CTC1: variants seen among roughly 807,000 people sequenced by gnomAD.
CTC1 encodes CST telomere replication complex component 1, also known as CST complex subunit CTC1.
In CTC1, 91 loss-of-function variants were observed where a neutral mutation model predicts 136.3. The observed-to-expected ratio is 0.67, with a 90% CI of 0.56 to 0.79. The LOEUF is 0.79. Among genes scored for constraint, CTC1 ranks in the 30% least tolerant of loss-of-function variants. The pLI is 0.00. For synonymous variants in CTC1, 606 were observed against 613.8 expected, an observed-to-expected ratio of 0.99 and a Z score of 0.19; for missense variants, 1,432 against 1,498.1, an observed-to-expected ratio of 0.96 and a Z score of 0.73.
At position 8,234,808 on chromosome 17, in the gene CTC1, G is replaced by C. The variant is rs371714831; in HGVS notation, c.1558C>G (p.Pro520Ala). ...TLDLLAPPGS[P>A]VRNAHNEILE... ...ATCTCATTGTGTGCATTCCGAACAG[G>C]GCTGCCTGGCGGAGCTAGAAGATCC... The change falls in exon 9 of 23, where the codon CCT becomes GCT. Residue 520 changes from proline (P) to alanine (A), a missense_variant. By Grantham distance (27) the Pro-to-Ala change is conservative. Coordinates refer to ENST00000651323, the MANE Select transcript of CTC1 (RefSeq NM_025099.6). 12 of 1,612,756 alleles carry C rather than the reference G, an allele frequency of 7.4e-6. No homozygotes were observed. In the Admixed American group the frequency reaches 1.2e-4, roughly 16 times the overall value.
intron 10 of CTC1, among the ~76,000 whole-genome samples, chr17:8,233,957 G>T (rs1325504979): frequency 1.3e-5 from 2 of 152,120 alleles, no homozygotes; most frequent in Admixed American, 6.5e-5. Flanking sequence ...ATTTAAACAA[G>T]AGAGTTCTGT....
intron 11 of CTC1, chr17:8,232,700 G>T: frequency 1.4e-6 from 1 of 720,216 alleles, no homozygotes; most frequent in Non-Finnish European, 2.4e-6. Flanking sequence ...TAGGAGCTAC[G>T]GTGGAGAAAT....
rs1211522381 is a variant in CTC1 at position 8,235,123 on chromosome 17, C to A, written c.1369G>T (p.Val457Leu). ...AYGASLYEQL[V>L]WERQLGLPLY... ...GGAAGTCCTAACTGACGTTCCCACA[C>A]CAGCTGCTCGTACAGGGAGGCCCCG... The change falls in exon 8 of 23, where the codon GTG becomes TTG. Residue 457 changes from valine (V) to leucine (L), a missense_variant. By Grantham distance (32) the Val-to-Leu change is conservative (BLOSUM62 1). Transcript: ENST00000651323. The A allele has an allele frequency of 2.5e-6, 4 of 1,614,084 alleles. No homozygotes were observed. The highest frequency in any genetic ancestry group is 1.3e-5 in the African/African-American group (1 of 74,936).
chr17:8,240,483 G>C (rs1988124580), intron 2 of CTC1, among the ~76,000 whole-genome samples: 2 of 147,290 alleles, frequency 1.4e-5, no homozygotes, highest in African/African-American at 5.4e-5. Context: ...AAGTGTTATG[G>C]ACGTGGACAA....
chr17:8,246,448 A>G (rs932967496), intron 1 of CTC1, among the ~76,000 whole-genome samples: 4 of 152,166 alleles, frequency 2.6e-5, no homozygotes, highest in South Asian at 2.1e-4. Flanking sequence ...CACATGCCCA[A>G]CACTGAACTT....
At chr17:8,242,883 C>G in intron 2 of CTC1, 102 bp downstream of exon 2, 1 of 1,043,526 alleles carries the variant, frequency 9.6e-7, no homozygotes, top group Non-Finnish European at 1.4e-6. Flanking sequence ...GTCCTCCGCT[C>G]ACTCTCTCAC....
At position 8,232,447 on chromosome 17, in the gene CTC1, C is replaced by A. The variant is rs779228652; in HGVS notation, c.1974G>T (p.Gln658His). The A allele has an allele frequency of 2.4e-5, 39 of 1,614,024 alleles. 1 individual carries two copies. The highest frequency in any genetic ancestry group is 3.1e-5 in the Non-Finnish European group (37 of 1,180,024). ...IGCLVRAERF[Q>H]LIVERDVRSS... The stretch of plus-strand genomic sequence containing the variant: ...TTCTCACGTCCCTCTCTACGATCAA[C>A]TGAAACCTCTCTGCCCGCACCAGGC... Residue 658 changes from glutamine to histidine, a missense_variant, in exon 12 of 23, where the codon CAG becomes CAT. Gln to His is a conservative substitution (Grantham distance 24). Coordinates refer to ENST00000651323, the MANE Select transcript of CTC1 (RefSeq NM_025099.6).
At chr17:8,236,763 A>G (rs1376319295) in intron 5 of CTC1, among the ~76,000 whole-genome samples, 1 of 152,204 alleles carries the variant, frequency 6.6e-6, no homozygotes, top group African/African-American at 2.4e-5. Flanking sequence ...CAAAATACAT[A>G]TATTTTTAAA....
intron 14 of CTC1, 87 bp downstream of exon 14, chr17:8,231,639 A>C (rs1987235739): frequency 3.0e-5 from 40 of 1,340,650 alleles, no homozygotes; most frequent in Non-Finnish European, 4.0e-5. Flanking sequence ...GGAGGCCTAG[A>C]GAATGACCAG....
At chr17:8,242,963 C>G (rs769618102) in intron 2 of CTC1, 22 bp downstream of exon 2, 4 of 1,593,246 alleles carry the variant, frequency 2.5e-6, no homozygotes, top group Admixed American at 1.8e-5. Context: ...GCCCAGCCCC[C>G]GCAACCGCCA....
At chr17:8,244,414 C>G (rs1464442078) in intron 1 of CTC1, among the ~76,000 whole-genome samples, 2 of 152,220 alleles carry the variant, frequency 1.3e-5, no homozygotes, top group Non-Finnish European at 2.9e-5. Flanking sequence ...CTTTAACACA[C>G]TTGGCAGTAG....
At chr17:8,245,291 A>C (rs1408248335) in intron 1 of CTC1, among the ~76,000 whole-genome samples, 1 of 152,180 alleles carries the variant, frequency 6.6e-6, no homozygotes, top group Admixed American at 6.5e-5. Flanking sequence ...TGAATCTAAA[A>C]TAAAAGTTAA....
intron 1 of CTC1, 134 bp downstream of exon 1, chr17:8,247,870 G>T: frequency 2.4e-6 from 2 of 833,734 alleles, no homozygotes; most frequent in African/African-American, 1.7e-5. Context: ...GGAGCGGACC[G>T]ACTCACAACC....
rs764778308 is a variant in CTC1, at chr17:8,226,633, G to C, written c.*1547C>G. On this transcript the variant is annotated 3_prime_UTR_variant, in exon 23 of 23. Transcript: ENST00000651323. Reference sequence around the variant, plus strand: ...GACGTAGTCGGCAGGATTCGAACCTGCGCGGGGAGACCCCAATGGATTTCT... The same window carrying C: ...GACGTAGTCGGCAGGATTCGAACCTCCGCGGGGAGACCCCAATGGATTTCT... The C allele has an allele frequency of 2.0e-5, 3 of 152,216 alleles. No individual in the cohort carries two copies. Among genetic ancestry groups the C allele is most frequent in the Non-Finnish European group, 4.4e-5 (3 of 68,046 alleles). 9.4% of individuals were successfully genotyped at this position (152,216 alleles called of 1,614,324 possible). A position where few individuals can be genotyped will look rare whatever the true frequency, so the allele number is the denominator to read the frequency against.
In CTC1 at chr17:8,231,691, T is replaced by C. The variant is rs750297055; in HGVS notation, c.2475+35A>G. ...TTTAGACCCCAACCCCAAAAAAGCTTTCTGGGGAAAGGTATGATGAAGTAG... is the reference window on the plus strand; with the variant it reads ...TTTAGACCCCAACCCCAAAAAAGCTCTCTGGGGAAAGGTATGATGAAGTAG... On this transcript the variant is annotated intron_variant, in intron 14 of 22. Coordinates refer to ENST00000651323, the MANE Select transcript of CTC1 (RefSeq NM_025099.6). 24 of 1,600,230 alleles carry C rather than the reference T, an allele frequency of 1.5e-5. 1 individual carries two copies. In the South Asian group the frequency reaches 2.5e-4, roughly 17 times the overall value.
In CTC1 at chr17:8,235,895, AG is replaced by A; in HGVS notation, c.1141del (p.Leu381SerfsTer14). The A allele has an allele frequency of 6.2e-7, 1 of 1,613,956 alleles. No homozygotes were observed. The highest frequency in any genetic ancestry group is 2.2e-5 in the East Asian group (1 of 44,870). On this transcript the variant is annotated frameshift_variant, in exon 7 of 23. Coordinates refer to ENST00000651323, the MANE Select transcript of CTC1 (RefSeq NM_025099.6). LOFTEE classifies it high-confidence loss of function. The part of the protein sequence containing the change: ...GLYELDGQLG[L>X]CLAYQQFRGL... The stretch of plus-strand genomic sequence containing the variant: ...ACGGAACTGCTGGTAGGCAAGGCAG[AG>A]CCCCAGCTGCCCATCCAGCTCATAG...
chr17:8,247,450 C>T (rs1230023912), intron 1 of CTC1, among the ~76,000 whole-genome samples: 1 of 151,706 alleles, frequency 6.6e-6, no homozygotes, highest in Non-Finnish European at 1.5e-5. Context: ...GCTGGAATTA[C>T]AGGTGCGCGC....
chr17:8,246,742 A>G (rs1187422092), intron 1 of CTC1, among the ~76,000 whole-genome samples: 2 of 151,896 alleles, frequency 1.3e-5, no homozygotes, highest in Non-Finnish European at 2.9e-5. Context: ...GAAAAAAAAT[A>G]CAAAAATGAG....
rs779382456 is a variant in CTC1, at chr17:8,225,936, G to A, written c.*2244C>T. 1.8e-4 allele frequency: 27 copies of A among 152,066 alleles called. No homozygotes were observed. The highest frequency in any genetic ancestry group is 2.9e-4 in the Non-Finnish European group (20 of 68,020). The allele number at this position is 152,066 out of a possible 1,614,324, so 9.4% of individuals were successfully genotyped here. On this transcript the variant is annotated 3_prime_UTR_variant, in exon 23 of 23. Transcript: ENST00000651323. ...GGGGACGTCCTAGGGTGGAGAAAGAGGCCTGGAAGGTGGGCAGCCCCTTCC... is the reference window on the plus strand; with the variant it reads ...GGGGACGTCCTAGGGTGGAGAAAGAAGCCTGGAAGGTGGGCAGCCCCTTCC...
Sources: allele counts gnomAD v4.1 joint callset (sites outside exome capture counted in the v4.1 genomes callset), GRCh38; gene constraint gnomAD v4.1.1; transcripts MANE v1.5; gene names NCBI Gene and HGNC (gene_info 2026-07-23, HGNC 2026-07-21).